Variants in MTMR12 observed in about 807,000 individuals in gnomAD.
MTMR12 encodes myotubularin-related protein 12.
In MTMR12, 33 loss-of-function variants were observed where a neutral mutation model predicts 96.7. The observed-to-expected ratio is 0.34, with a 90% CI of 0.26 to 0.46. MTMR12 has a LOEUF of 0.46. Ranked by LOEUF, MTMR12 falls within the 20% of genes least tolerant of loss-of-function variation. The pLI is 1.00. For missense variants in MTMR12, 721 were observed against 896.1 expected, an observed-to-expected ratio of 0.80 and a Z score of 2.49; for synonymous variants, 298 against 327.2, an observed-to-expected ratio of 0.91 and a Z score of 0.96.
intron 1 of MTMR12, among the ~76,000 whole-genome samples, chr5:32,289,960 C>A (rs545086108): frequency 6.6e-6 from 1 of 152,336 alleles, no homozygotes; most frequent in South Asian, 2.1e-4. Context: ...GTTCAACTCT[C>A]CTATTTGGCC....
intron 1 of MTMR12, among the ~76,000 whole-genome samples, chr5:32,300,656 T>C (rs2963959): frequency 0.47 from 70,864 of 151,792 alleles, 17,588 homozygotes; most frequent in African/African-American, 0.64. Flanking sequence ...TATAGGTACA[T>C]CAGGTTCTTC....
intron 4 of MTMR12, 28 bp from the exon 5 acceptor site, chr5:32,270,975 G>T: frequency 6.3e-7 from 1 of 1,593,508 alleles, no homozygotes; most frequent in Non-Finnish European, 8.5e-7. Context: ...AATCAGGAAG[G>T]GAAATTATGT....
chr5:32,240,227 C>T (rs549126177), intron 12 of MTMR12, among the ~76,000 whole-genome samples: 76 of 151,974 alleles, frequency 5.0e-4, no homozygotes, highest in African/African-American at 1.7e-3. Context: ...GGTGAAACCC[C>T]GTCTCTACTA....
intron 8 of MTMR12, among the ~76,000 whole-genome samples, chr5:32,251,054 C>CTTTT (rs1299015165): frequency 1.1e-4 from 14 of 131,006 alleles, no homozygotes; most frequent in African/African-American, 3.2e-4. Flanking sequence ...AGGTCCCTCT[C>CTTTT]TTTTTTTTTT....
intron 1 of MTMR12, among the ~76,000 whole-genome samples, chr5:32,292,488 G>C (rs557151978): frequency 6.6e-6 from 1 of 152,302 alleles, no homozygotes; most frequent in East Asian, 1.9e-4. Flanking sequence ...CGGACACTTT[G>C]GGCCCCTCCT....
intron 2 of MTMR12, among the ~76,000 whole-genome samples, chr5:32,275,873 A>G (rs1750031544): frequency 6.6e-6 from 1 of 152,218 alleles, no homozygotes; most frequent in Admixed American, 6.5e-5. Flanking sequence ...TCTTTTACCA[A>G]ATAACGTGGA....
At chr5:32,281,812 G>T (rs1470416962) in intron 1 of MTMR12, among the ~76,000 whole-genome samples, 27 of 150,910 alleles carry the variant, frequency 1.8e-4, no homozygotes, top group Admixed American at 1.8e-3. Flanking sequence ...AGGCAGGAGA[G>T]TCACTTGAAC....
At chr5:32,298,825 C>A (rs1751020089) in intron 1 of MTMR12, among the ~76,000 whole-genome samples, 1 of 151,642 alleles carries the variant, frequency 6.6e-6, no homozygotes, top group South Asian at 2.1e-4. Context: ...TGGTGGCAGG[C>A]GTCTGTAGTC....
intron 6 of MTMR12, among the ~76,000 whole-genome samples, chr5:32,267,152 G>A (rs904956758): frequency 6.6e-6 from 1 of 150,874 alleles, no homozygotes; most frequent in Non-Finnish European, 1.5e-5. Context: ...CGAGGCCGTG[G>A]ATCACCTGAG....
At chr5:32,284,317 C>CAAAAAAAAAAAAAAAAAAAA (rs57597487) in intron 1 of MTMR12, among the ~76,000 whole-genome samples, 1 of 47,272 alleles carries the variant, frequency 2.1e-5, no homozygotes, top group Non-Finnish European at 4.5e-5. Context: ...GACCCTGTCT[C>CAAAAAAAAAAAAAAAAAAAA]AAAAAAAAAA....
chr5:32,278,112 T>C (rs1045360403), intron 1 of MTMR12, among the ~76,000 whole-genome samples: 10 of 152,334 alleles, frequency 6.6e-5, no homozygotes, highest in South Asian at 2.1e-4. Flanking sequence ...AATGAATGAA[T>C]AGACCAAAGC....
intron 10 of MTMR12, 74 bp downstream of exon 10, chr5:32,247,928 C>G: frequency 6.5e-7 from 1 of 1,547,308 alleles, no homozygotes; most frequent in Non-Finnish European, 8.8e-7. Flanking sequence ...GGAAAAGGCA[C>G]CAACTTTCAC....
At chr5:32,254,708 G>C (rs1010454727) in intron 8 of MTMR12, among the ~76,000 whole-genome samples, 2 of 152,060 alleles carry the variant, frequency 1.3e-5, no homozygotes, top group Non-Finnish European at 2.9e-5. Flanking sequence ...GCTGGGCCTG[G>C]TGGTGGGTGC....
intron 1 of MTMR12, among the ~76,000 whole-genome samples, chr5:32,279,478 C>T (rs1750198386): frequency 6.6e-6 from 1 of 152,074 alleles, no homozygotes; most frequent in Non-Finnish European, 1.5e-5. Context: ...AGCCTACATT[C>T]TTCGCTGCTA....
chr5:32,245,988 T>C (rs1234734620), intron 10 of MTMR12, among the ~76,000 whole-genome samples: 1 of 152,176 alleles, frequency 6.6e-6, no homozygotes, highest in African/African-American at 2.4e-5. Context: ...TCGGTAGCCA[T>C]TGCTTTGATT....
At chr5:32,268,583 T>C (rs779176735) in intron 6 of MTMR12, 118 bp downstream of exon 6, 17 of 682,330 alleles carry the variant, frequency 2.5e-5, no homozygotes, top group Non-Finnish European at 3.6e-5. Flanking sequence ...GGGTGACCAA[T>C]TGGTAGAGGA....
intron 2 of MTMR12, among the ~76,000 whole-genome samples, chr5:32,275,826 C>T (rs75923618): frequency 0.032 from 4,849 of 152,156 alleles, 260 homozygotes; most frequent in African/African-American, 0.11. Flanking sequence ...GAAAAAAAGC[C>T]TTTGACATTT....
At position 32,245,830 on chromosome 5, in the gene MTMR12, A is replaced by G. The variant is rs370397507; in HGVS notation, c.1021+2172T>C. Among the ~76,000 whole-genome samples the G allele has an allele frequency of 3.2e-4, 47 of 145,628 alleles. No individual in the cohort carries two copies. The South Asian group carries it at 1.0e-2, about 31-fold the overall frequency. On this transcript the variant is annotated intron_variant, in intron 10 of 15. Coordinates refer to ENST00000382142, the MANE Select transcript of MTMR12 (RefSeq NM_001040446.3). Reference sequence around the variant, plus strand: ...GCAACAGAGTGAGAATTTGTCTCAGAAAAAAAAAAACCTCTCATAAGCAGA... The same window carrying G: ...GCAACAGAGTGAGAATTTGTCTCAGGAAAAAAAAAACCTCTCATAAGCAGA...
In MTMR12 at chr5:32,276,729, T is replaced by C. The variant is rs1243525979; in HGVS notation, c.95A>G (p.Asn32Ser). ...SYVRPEEIHT[N>S]EKEVTEKEVT... Reference sequence around the variant, plus strand: ...TTCCTTCTCTGTTACTTCCTTTTCGTTTGTGTGAATTTCCTAAAAGAGAAG... The same window carrying C: ...TTCCTTCTCTGTTACTTCCTTTTCGCTTGTGTGAATTTCCTAAAAGAGAAG... Residue 32 changes from asparagine (N) to serine (S), a missense_variant, in exon 2 of 16, where the codon AAC becomes AGC. Transcript: ENST00000382142. 3 of 1,613,652 alleles carry C rather than the reference T, an allele frequency of 1.9e-6. No homozygotes were observed. The highest frequency in any genetic ancestry group is 1.3e-5 in the African/African-American group (1 of 74,912).
Sources: allele counts gnomAD v4.1 joint callset (sites outside exome capture counted in the v4.1 genomes callset), GRCh38; gene constraint gnomAD v4.1.1; transcripts MANE v1.5; gene names NCBI Gene and HGNC (gene_info 2026-07-23, HGNC 2026-07-21).